Variants in ADGRL1 observed in about 807,000 individuals in gnomAD.
ADGRL1 encodes adhesion G protein-coupled receptor L1.
Under a neutral mutation model 148.9 loss-of-function variants are expected in ADGRL1, and 31 were observed. That is an observed-to-expected ratio of 0.21 (90% confidence interval 0.16 to 0.28). ADGRL1 has a LOEUF of 0.28. ADGRL1 is among the 10% of genes least tolerant of loss of function. The pLI is 1.00. For missense variants in ADGRL1, 1,521 were observed against 2,058.8 expected (o/e 0.74, Z 5.05); for synonymous variants, 937 against 900.3 (o/e 1.04, Z -0.73).
chr19:14,193,404 T>C (rs1198083065), intron 1 of ADGRL1, among the ~76,000 whole-genome samples: 2 of 149,300 alleles, frequency 1.3e-5, no homozygotes, highest in African/African-American at 2.5e-5. Flanking sequence ...CTGAGCAACA[T>C]AGTGAGACCC....
intron 2 of ADGRL1, among the ~76,000 whole-genome samples, chr19:14,179,719 C>T (rs1478720936): frequency 2.2e-4 from 34 of 151,808 alleles, no homozygotes; most frequent in Admixed American, 2.2e-3. Flanking sequence ...CCAGCCTGGC[C>T]AACATGGTGA....
chr19:14,170,415 G>A, intron 4 of ADGRL1: 1 of 388,378 alleles, frequency 2.6e-6, no homozygotes, highest in Non-Finnish European at 4.8e-6. Context: ...GGTGCATGAA[G>A]AAGCAGGGTG....
At chr19:14,153,306 T>C (rs1366400789) in intron 18 of ADGRL1, among the ~76,000 whole-genome samples, 2 of 151,880 alleles carry the variant, frequency 1.3e-5, no homozygotes, top group Admixed American at 1.3e-4. Context: ...AGACAGAACA[T>C]AGATGAAAAT....
rs777947664 is a variant in ADGRL1, at chr19:14,162,733, G to A, written c.1068C>T (p.Thr356=). The A allele has an allele frequency of 2.5e-6, 4 of 1,614,236 alleles. No individual in the cohort carries two copies. The highest frequency in any genetic ancestry group is 1.6e-4 in the Middle Eastern group (1 of 6,062). Residue 356 remains threonine (T), a synonymous_variant, in exon 5 of 23, where the codon ACC becomes ACT. Transcript: ENST00000361434. This position sits in a 1 kb window ranked among gnomAD's most constrained non-coding sequence, Gnocchi z 5.4. ...AGATGAACTGGTAGGGGTTGGGGAA[G>A]GTGAGGCTGACAGGCTCCTCGCGGT... ...NANREEPVSL[T]FPNPYQFISS...
At chr19:14,156,804 A>T in intron 15 of ADGRL1, 80 bp from the exon 16 acceptor site, 1 of 1,530,416 alleles carries the variant, frequency 6.5e-7, no homozygotes, top group Non-Finnish European at 8.9e-7. Flanking sequence ...AGGACTCTGC[A>T]GGCTGCAGCC....
Position 14,160,312 on chromosome 19 carries a change from G to A in ADGRL1, c.1615-15C>T, listed in dbSNP as rs201675685. 51 of 1,579,708 alleles carry A rather than the reference G, an allele frequency of 3.2e-5. No homozygotes were observed. In the Middle Eastern group the frequency reaches 1.3e-3, roughly 42 times the overall value. ...CCACTCTTGATCTGCATGAGGTGGG[G>A]GCGGGAAGGGGGAATCCCAGGACTG... On this transcript the variant is annotated splice_polypyrimidine_tract_variant and intron_variant, in intron 7 of 22. Coordinates refer to ENST00000361434, the MANE Select transcript of ADGRL1 (RefSeq NM_014921.5). The surrounding 1 kb of genome is among the most constrained non-coding windows in gnomAD (Gnocchi z 5.9).
intron 2 of ADGRL1, among the ~76,000 whole-genome samples, chr19:14,180,191 G>A (rs750413783): frequency 6.6e-6 from 1 of 152,122 alleles, no homozygotes; most frequent in Non-Finnish European, 1.5e-5. Flanking sequence ...TCCACTGAAG[G>A]GAGTAACTGG....
At position 14,161,605 on chromosome 19, in the gene ADGRL1, A is replaced by G; in HGVS notation, c.1217T>C (p.Leu406Pro). The G allele has an allele frequency of 5.0e-6, 7 of 1,412,658 alleles. No homozygotes were observed. Among genetic ancestry groups the G allele is most frequent in the Non-Finnish European group, 6.4e-6 (7 of 1,087,358 alleles). 87.5% of individuals were successfully genotyped at this position (1,412,658 alleles called of 1,614,324 possible). A position where few individuals can be genotyped will look rare whatever the true frequency, so the allele number is the denominator to read the frequency against. The change falls in exon 6 of 23, where the codon CTC becomes CCC. Residue 406 changes from leucine (L) to proline (P), a missense_variant. Leu to Pro is a moderately conservative substitution (Grantham distance 98). Around this residue, in one of 8 missense-constraint regions of ADGRL1, gnomAD observed 270 missense variants for 320.4 expected, o/e 0.84. Coordinates refer to ENST00000361434, the MANE Select transcript of ADGRL1 (RefSeq NM_014921.5). The surrounding 1 kb of genome is among the most constrained non-coding windows in gnomAD (Gnocchi z 4.4). ...GGGCCTGGCTGTGGTGGTCGTGCTG[A>G]GGGGTGGGGAAGTGGCTGGGCCTGG... ...PSAGPATSPP[L>P]STTTTARPTP...
chr19:14,195,638 C>G (rs1339920567), intron 1 of ADGRL1, among the ~76,000 whole-genome samples: 2 of 152,178 alleles, frequency 1.3e-5, no homozygotes, highest in Non-Finnish European at 2.9e-5. Flanking sequence ...TCAGGAAGCC[C>G]TCAGGCATCC....
chr19:14,172,276 G>A (rs1235482223), intron 3 of ADGRL1, among the ~76,000 whole-genome samples: 1 of 152,136 alleles, frequency 6.6e-6, no homozygotes, highest in Non-Finnish European at 1.5e-5. Flanking sequence ...ACAAAAACTA[G>A]CCAGGCGTGG....
intron 3 of ADGRL1, among the ~76,000 whole-genome samples, chr19:14,172,099 G>A (rs545028859): frequency 2.6e-5 from 4 of 152,320 alleles, no homozygotes; most frequent in African/African-American, 7.2e-5. Flanking sequence ...AGATCTGTCT[G>A]TATCCATCCA....
intron 2 of ADGRL1, among the ~76,000 whole-genome samples, chr19:14,181,126 A>G (rs1599479888): frequency 6.6e-6 from 1 of 152,384 alleles, no homozygotes; most frequent in Non-Finnish European, 1.5e-5. Flanking sequence ...GTGAATGATC[A>G]TACCTGAGTG....
At chr19:14,156,081 G>C in intron 17 of ADGRL1, 29 bp downstream of exon 17, 1 of 1,570,238 alleles carries the variant, frequency 6.4e-7, no homozygotes. Flanking sequence ...TGGGTGATGG[G>C]GCAGGGGGCA....
chr19:14,170,657 C>T (rs766631710), intron 4 of ADGRL1, 25 bp downstream of exon 4: 1 of 1,442,754 alleles, frequency 6.9e-7, no homozygotes. Flanking sequence ...GGGCCCGCAT[C>T]CGCACAAGGA....
At chr19:14,203,624 T>G (rs911466549) in intron 1 of ADGRL1, among the ~76,000 whole-genome samples, 2 of 133,568 alleles carry the variant, frequency 1.5e-5, no homozygotes, top group South Asian at 5.6e-4. Context: ...GCCCACAGGG[T>G]CCTCCAAGGC....
intron 1 of ADGRL1, among the ~76,000 whole-genome samples, chr19:14,205,314 C>G (rs1161696531): frequency 6.6e-6 from 1 of 152,034 alleles, no homozygotes; most frequent in Non-Finnish European, 1.5e-5. Context: ...GCCGGCCTCC[C>G]GTGCTTTAAC....
At chr19:14,175,427 A>G (rs528500548) in intron 3 of ADGRL1, among the ~76,000 whole-genome samples, 1 of 151,330 alleles carries the variant, frequency 6.6e-6, no homozygotes, top group South Asian at 2.1e-4. Flanking sequence ...CCACTCACAG[A>G]TATGAAAACA....
chr19:14,150,866 G>A lies in ADGRL1; in HGVS notation c.*7C>T, dbSNP rs765581543. 2 of 1,611,118 alleles carry A rather than the reference G, an allele frequency of 1.2e-6. No individual in the cohort carries two copies. The highest frequency in any genetic ancestry group is 1.3e-5 in the African/African-American group (1 of 74,990). On this transcript the variant is annotated 3_prime_UTR_variant, in exon 23 of 23. Transcript: ENST00000361434. ...TGGGCCACCAGCCCCTGGTCCATGA[G>A]GTGCCCTCAGAGACTGGTGACCAGC...
chr19:14,159,129 G>T lies in ADGRL1; in HGVS notation c.2110C>A (p.Gln704Lys). ...QEEYPRKNSI[Q>K]LSAKTIKQNS... ...TGCTTGATGGTTTTGGCAGACAGCT[G>T]GATGGAGTTCTTTCTCGGGTACTCC... The change falls in exon 11 of 23, where the codon CAG becomes AAG. Residue 704 changes from glutamine (Q) to lysine (K), a missense_variant. Coordinates refer to ENST00000361434, the MANE Select transcript of ADGRL1 (RefSeq NM_014921.5). This position sits in a 1 kb window ranked among gnomAD's most constrained non-coding sequence, Gnocchi z 6.0. 1 of 1,614,142 alleles carries T rather than the reference G, an allele frequency of 6.2e-7. No individual in the cohort carries two copies. Among genetic ancestry groups the T allele is most frequent in the Non-Finnish European group, 8.5e-7 (1 of 1,180,030 alleles).
Sources: gnomAD v4.1 joint callset for allele counts (sites outside exome capture counted in the v4.1 genomes callset) on GRCh38, gnomAD v4.1.1 for gene constraint, gnomAD v4.1.1 regional missense constraint, Gnocchi (gnomAD v3.1) non-coding constraint, MANE v1.5 for transcripts, NCBI Gene and HGNC (gene_info 2026-07-23, HGNC 2026-07-21) for gene names.